The following FBXL17 variants were observed in gnomAD, a reference collection of about 807,000 sequenced individuals.
FBXL17 encodes F-box and leucine rich repeat protein 17.
FBXL17 carries 22 observed loss-of-function variants against 66.2 expected under a neutral mutation model. The ratio of observed to expected loss-of-function variants is 0.33; its 90% CI spans 0.24 to 0.47. The LOEUF is 0.47. FBXL17 is among the 20% of genes least tolerant of loss of function. The pLI is 1.00. For synonymous variants in FBXL17, 474 were observed against 400.5 expected (o/e 1.18, Z -2.19); for missense variants, 878 against 948.2 (o/e 0.93, Z 0.97).
chr5:107,948,405 TTC>T (rs1554051225), intron 7 of FBXL17, among the ~76,000 whole-genome samples: 5 of 152,166 alleles, frequency 3.3e-5, no homozygotes, highest in Non-Finnish European at 4.4e-5. Context: ...TGCCCACACA[TTC>T]ATTCCATCAC....
At chr5:108,314,369 A>T (rs1331572141) in intron 4 of FBXL17, among the ~76,000 whole-genome samples, 2 of 151,776 alleles carry the variant, frequency 1.3e-5, no homozygotes, top group African/African-American at 4.8e-5. Context: ...CAAAGACTAG[A>T]TATATAAGAA....
At chr5:108,282,863 T>C (rs1041026738) in intron 4 of FBXL17, among the ~76,000 whole-genome samples, 2 of 150,844 alleles carry the variant, frequency 1.3e-5, no homozygotes, top group Non-Finnish European at 3.0e-5. Context: ...ATATCAACAA[T>C]GATCTAACTG....
At chr5:108,045,159 C>T (rs75582464) in intron 6 of FBXL17, among the ~76,000 whole-genome samples, 173 of 152,032 alleles carry the variant, frequency 1.1e-3, no homozygotes, top group African/African-American at 4.0e-3. Context: ...AATTTCTTTC[C>T]GGCCAGGCGT....
intron 6 of FBXL17, among the ~76,000 whole-genome samples, chr5:108,066,221 C>T (rs1324632603): frequency 6.6e-6 from 1 of 152,110 alleles, no homozygotes; most frequent in African/African-American, 2.4e-5. Context: ...ATTATTCAAA[C>T]TCAGCTAATT....
At chr5:107,950,687 G>A (rs897844213) in intron 7 of FBXL17, among the ~76,000 whole-genome samples, 2 of 152,156 alleles carry the variant, frequency 1.3e-5, no homozygotes, top group Non-Finnish European at 2.9e-5. Flanking sequence ...AGAGCTGGGT[G>A]AGATATAATT....
chr5:108,055,311 A>AAAAAC (rs1747655174), intron 6 of FBXL17, among the ~76,000 whole-genome samples: 1 of 18,840 alleles, frequency 5.3e-5, no homozygotes, highest in African/African-American at 2.4e-4. Flanking sequence ...AAAAAAAAAA[A>AAAAAC]AAGAAAAACG....
At chr5:107,955,245 A>G (rs1751623621) in intron 7 of FBXL17, among the ~76,000 whole-genome samples, 1 of 152,144 alleles carries the variant, frequency 6.6e-6, no homozygotes, top group East Asian at 1.9e-4. Flanking sequence ...CATAAATTCA[A>G]CACACATCAC....
chr5:108,359,344 C>A (rs550658203), intron 3 of FBXL17, among the ~76,000 whole-genome samples: 1 of 152,052 alleles, frequency 6.6e-6, no homozygotes, highest in South Asian at 2.1e-4. Context: ...CTTCCCTCCA[C>A]GAACTTTGGG....
At chr5:108,334,305 CAGGT>C (rs1208746783) in intron 4 of FBXL17, among the ~76,000 whole-genome samples, 3 of 152,162 alleles carry the variant, frequency 2.0e-5, no homozygotes, top group Non-Finnish European at 4.4e-5. Flanking sequence ...AGTGATCAGG[CAGGT>C]GTTGAGGCCA....
At chr5:107,930,815 T>C (rs1750704422) in intron 7 of FBXL17, among the ~76,000 whole-genome samples, 1 of 152,244 alleles carries the variant, frequency 6.6e-6, no homozygotes, top group Non-Finnish European at 1.5e-5. Context: ...GACTGATTTA[T>C]TGGAATTAGT....
intron 6 of FBXL17, among the ~76,000 whole-genome samples, chr5:108,180,907 C>T (rs975115573): frequency 4.6e-5 from 7 of 152,066 alleles, no homozygotes; most frequent in Non-Finnish European, 2.9e-5. Flanking sequence ...TGATTTGATA[C>T]ATCATAGGAT....
chr5:107,953,019 G>A (rs902672878), intron 7 of FBXL17, among the ~76,000 whole-genome samples: 5 of 151,988 alleles, frequency 3.3e-5, no homozygotes, highest in African/African-American at 1.2e-4. Context: ...TTCAGCTATT[G>A]CTTTTGAGTG....
At chr5:108,370,926 C>A (rs956087501) in intron 1 of FBXL17, among the ~76,000 whole-genome samples, 1 of 151,782 alleles carries the variant, frequency 6.6e-6, no homozygotes, top group African/African-American at 2.4e-5. Context: ...TGGAAGGGTG[C>A]CAAAATTTGA....
chr5:108,355,164 C>A (rs1021422235), intron 3 of FBXL17, among the ~76,000 whole-genome samples: 1 of 151,664 alleles, frequency 6.6e-6, no homozygotes, highest in Non-Finnish European at 1.5e-5. Context: ...ATAACAATTT[C>A]TTCAAAATAA....
chr5:108,280,477 A>G (rs545658571), intron 4 of FBXL17, among the ~76,000 whole-genome samples: 1 of 152,246 alleles, frequency 6.6e-6, no homozygotes, highest in Non-Finnish European at 1.5e-5. Flanking sequence ...TGGAAGCAAA[A>G]GGACAACATT....
intron 6 of FBXL17, among the ~76,000 whole-genome samples, chr5:108,041,433 T>C (rs1747042831): frequency 6.6e-6 from 1 of 152,184 alleles, no homozygotes; most frequent in Admixed American, 6.5e-5. Context: ...TGTTTTGTTT[T>C]TGAGACAAGG....
chr5:108,081,835 C>A (rs915239523), intron 6 of FBXL17, among the ~76,000 whole-genome samples: 9 of 152,120 alleles, frequency 5.9e-5, no homozygotes, highest in African/African-American at 2.2e-4. Flanking sequence ...ATTCCTCCAG[C>A]CCCACTCCAC....
At chr5:108,195,316 T>C (rs759628031) in intron 5 of FBXL17, among the ~76,000 whole-genome samples, 1 of 152,028 alleles carries the variant, frequency 6.6e-6, no homozygotes, top group Non-Finnish European at 1.5e-5. Flanking sequence ...AAGATGATAT[T>C]TGCGCAAAGA....
intron 7 of FBXL17, among the ~76,000 whole-genome samples, chr5:107,953,272 C>T (rs1276124747): frequency 1.3e-5 from 2 of 151,696 alleles, no homozygotes; most frequent in African/African-American, 2.4e-5. Flanking sequence ...GGCGTGCTGG[C>T]GGGCGCCTTA....
Sources: allele counts gnomAD v4.1 joint callset (sites outside exome capture counted in the v4.1 genomes callset), GRCh38; gene constraint gnomAD v4.1.1; transcripts MANE v1.5; gene names NCBI Gene and HGNC (gene_info 2026-07-23, HGNC 2026-07-21).